PRDM5: variants seen among roughly 807,000 people sequenced by gnomAD.
PRDM5 encodes PR/SET domain 5, also known as PR domain zinc finger protein 5.
PRDM5 carries 56 observed loss-of-function variants against 81.2 expected under a neutral mutation model. That is an observed-to-expected ratio of 0.69 (90% confidence interval 0.56 to 0.86). PRDM5 has a LOEUF of 0.86. Among genes scored for constraint, PRDM5 ranks in the 40% least tolerant of loss-of-function variants. PRDM5 has a pLI of 0.00. For missense variants in PRDM5, 697 were observed against 770.1 expected, an observed-to-expected ratio of 0.91 and a Z score of 1.12; for synonymous variants, 267 against 256.4, an observed-to-expected ratio of 1.04 and a Z score of -0.39.
chr4:120,828,727 C>T (rs1358929238), intron 3 of PRDM5, among the ~76,000 whole-genome samples: 2 of 152,018 alleles, frequency 1.3e-5, no homozygotes, highest in Non-Finnish European at 2.9e-5. Context: ...GCCTCAGTCT[C>T]AGGCACAGGA....
intron 10 of PRDM5, among the ~76,000 whole-genome samples, chr4:120,796,121 A>G (rs2221815): frequency 0.2 from 30,202 of 151,900 alleles, 3,666 homozygotes; most frequent in Non-Finnish European, 0.28. Context: ...GATCACACTG[A>G]CTCTTAACGT....
intron 13 of PRDM5, among the ~76,000 whole-genome samples, chr4:120,755,892 C>T (rs1198919439): frequency 6.6e-6 from 1 of 152,184 alleles, no homozygotes; most frequent in African/African-American, 2.4e-5. Flanking sequence ...GAGAAGCACC[C>T]AGGATTCTCC....
intron 2 of PRDM5, among the ~76,000 whole-genome samples, chr4:120,899,638 C>A (rs1333773943): frequency 6.6e-6 from 1 of 152,154 alleles, no homozygotes; most frequent in African/African-American, 2.4e-5. Flanking sequence ...TTTCCCCCAT[C>A]ACACACCAAG....
chr4:120,903,231 G>T (rs548768137), intron 2 of PRDM5, among the ~76,000 whole-genome samples: 29 of 152,244 alleles, frequency 1.9e-4, no homozygotes, highest in African/African-American at 6.7e-4. Context: ...TAGCAGAAAT[G>T]ACTCCCATAA....
Position 120,777,310 on chromosome 4 carries a change from G to A in PRDM5, c.1444-29C>T, listed in dbSNP as rs1578693287. 1.9e-6 allele frequency: 3 copies of A among 1,612,744 alleles called. No homozygotes were observed. The East Asian group carries it at 6.7e-5, about 36-fold the overall frequency. On this transcript the variant is annotated intron_variant, in intron 12 of 15. Coordinates refer to ENST00000264808, the MANE Select transcript of PRDM5 (RefSeq NM_018699.4). ...AAAGGAAAGGGATAAAAAGGCTAAG[G>A]ATAAATACAAAGAATTAGGTAAAGA...
In PRDM5 at chr4:120,833,175, A is replaced by G. The variant is rs368802148; in HGVS notation, c.301-11830T>C. On this transcript the variant is annotated intron_variant, in intron 3 of 15. Coordinates refer to ENST00000264808, the MANE Select transcript of PRDM5 (RefSeq NM_018699.4). The stretch of plus-strand genomic sequence containing the variant: ...GTCAACCCTGATCCAAAAATATTCA[A>G]TGACAAATTCCAGAAATAAACGATT... 2.0e-5 allele frequency among the ~76,000 whole-genome samples: 3 copies of G among 152,278 alleles called. 1 individual carries two copies. Among genetic ancestry groups the G allele is most frequent in the South Asian group, 4.1e-4 (2 of 4,826 alleles).
In PRDM5 at chr4:120,917,100, G is replaced by C. The variant is rs76014649; in HGVS notation, c.93+5416C>G. Among the ~76,000 whole-genome samples, 90 of 152,238 alleles carry C rather than the reference G, an allele frequency of 5.9e-4. No homozygotes were observed. In the East Asian group the frequency reaches 6.2e-3, roughly 10 times the overall value. On this transcript the variant is annotated intron_variant, in intron 1 of 15. Transcript: ENST00000264808. ...GTGGCCTAAAGGGCTCTAAGCAGTG[G>C]ATCTTCCCCTAACACTCATCCCTTC...
chr4:120,805,915 C>T (rs1483072593), intron 8 of PRDM5, among the ~76,000 whole-genome samples: 4 of 151,678 alleles, frequency 2.6e-5, no homozygotes, highest in Non-Finnish European at 3.0e-5. Context: ...TCAAATTGTC[C>T]GTTTGCAGAT....
At chr4:120,823,604 C>T (rs1755579851) in intron 3 of PRDM5, among the ~76,000 whole-genome samples, 1 of 152,184 alleles carries the variant, frequency 6.6e-6, no homozygotes, top group African/African-American at 2.4e-5. Context: ...ATACACTGCA[C>T]TAATTTTTGA....
At chr4:120,901,962 T>C (rs1422534570) in intron 2 of PRDM5, among the ~76,000 whole-genome samples, 2 of 151,872 alleles carry the variant, frequency 1.3e-5, no homozygotes, top group Non-Finnish European at 2.9e-5. Flanking sequence ...AAGAGGAGAG[T>C]GAGGCAGAGA....
chr4:120,735,782 G>A (rs1741016889), intron 14 of PRDM5, among the ~76,000 whole-genome samples: 1 of 152,034 alleles, frequency 6.6e-6, no homozygotes, highest in Non-Finnish European at 1.5e-5. Context: ...ACCTGGACAG[G>A]ATAACAAAAA....
chr4:120,897,059 G>C (rs1187668810), intron 2 of PRDM5: 1 of 151,442 alleles, frequency 6.6e-6, no homozygotes, highest in Admixed American at 6.6e-5. Flanking sequence ...GTAAGATCTG[G>C]AGGTGGTCTT....
intron 15 of PRDM5, among the ~76,000 whole-genome samples, chr4:120,705,914 C>A (rs187931545): frequency 1.2e-4 from 18 of 152,064 alleles, no homozygotes; most frequent in Non-Finnish European, 8.8e-5. Context: ...ATTGGATATG[C>A]TACTGGATTA....
intron 14 of PRDM5, among the ~76,000 whole-genome samples, chr4:120,721,976 C>T (rs1204064146): frequency 6.6e-6 from 1 of 152,172 alleles, no homozygotes; most frequent in East Asian, 1.9e-4. Context: ...AGTTGTCCGT[C>T]TTTGCAGAGG....
At position 120,739,119 on chromosome 4, in the gene PRDM5, T is replaced by C. The variant is rs569305872; in HGVS notation, c.1623+15434A>G. Among the ~76,000 whole-genome samples, 4 of 152,328 alleles carry C rather than the reference T, an allele frequency of 2.6e-5. No homozygotes were observed. In the South Asian group the frequency reaches 8.3e-4, roughly 32 times the overall value. ...TTATGTGGCATGCCTATCTGGCCTC[T>C]CCACATTACTTGAGGTCCTCACAAC... is the stretch of plus-strand genomic sequence containing the variant. On this transcript the variant is annotated intron_variant, in intron 14 of 15. Coordinates refer to ENST00000264808, the MANE Select transcript of PRDM5 (RefSeq NM_018699.4).
chr4:120,870,324 T>G (rs995883812), intron 2 of PRDM5, among the ~76,000 whole-genome samples: 3 of 152,212 alleles, frequency 2.0e-5, no homozygotes, highest in African/African-American at 7.2e-5. Context: ...AACTACATGT[T>G]AAGCACTACA....
chr4:120,823,877 C>T (rs1045649833), intron 3 of PRDM5, among the ~76,000 whole-genome samples: 2 of 152,170 alleles, frequency 1.3e-5, no homozygotes, highest in African/African-American at 4.8e-5. Context: ...TGGGGACAGA[C>T]CTCTCATACA....
chr4:120,861,670 C>T (rs377599216), intron 2 of PRDM5, among the ~76,000 whole-genome samples: 6 of 151,794 alleles, frequency 4.0e-5, no homozygotes, highest in African/African-American at 1.5e-4. Context: ...TGGTGGAGCA[C>T]GCCTGTAGTC....
rs192926670 is a variant in PRDM5, at chr4:120,697,779, A to G, written c.1729-2504T>C. Among the ~76,000 whole-genome samples the G allele has an allele frequency of 6.7e-3, 944 of 141,816 alleles. 5 individuals are homozygous for G. The highest frequency in any genetic ancestry group is 0.022 in the South Asian group (88 of 4,058). 93.0% of individuals were successfully genotyped at this position (141,816 alleles called of 152,430 possible). A position where few individuals can be genotyped will look rare whatever the true frequency, so the allele number is the denominator to read the frequency against. ...AGGGATCCTTCTGCCTCAGTCTCCGAAAGTGCTGGGAAAACAGATGTGAGC... is the reference window on the plus strand; with the variant it reads ...AGGGATCCTTCTGCCTCAGTCTCCGGAAGTGCTGGGAAAACAGATGTGAGC... On this transcript the variant is annotated intron_variant, in intron 15 of 15. Coordinates refer to ENST00000264808, the MANE Select transcript of PRDM5 (RefSeq NM_018699.4).
Sources: gnomAD v4.1 joint callset for allele counts (sites outside exome capture counted in the v4.1 genomes callset) on GRCh38, gnomAD v4.1.1 for gene constraint, MANE v1.5 for transcripts, NCBI Gene and HGNC (gene_info 2026-07-23, HGNC 2026-07-21) for gene names.